ELAVL2: variants seen among roughly 807,000 people sequenced by gnomAD.
The protein encoded by ELAVL2 is ELAV like RNA binding protein 2.
In ELAVL2, 4 loss-of-function variants were observed where a neutral mutation model predicts 34.6. The observed-to-expected ratio is 0.12, with a 90% CI of 0.06 to 0.26. The LOEUF is 0.26. ELAVL2 is among the 10% of genes least tolerant of loss of function. The probability of loss-of-function intolerance (pLI) is 1.00; values close to 1 mark genes in which losing one functional copy is unlikely to be tolerated. For missense variants in ELAVL2, 432 were observed against 442.8 expected, an observed-to-expected ratio of 0.98 and a Z score of 0.22; for synonymous variants, 193 against 154.8, an observed-to-expected ratio of 1.25 and a Z score of -1.83.
intron 2 of ELAVL2, among the ~76,000 whole-genome samples, chr9:23,744,333 G>T (rs990884482): frequency 1.4e-4 from 22 of 152,160 alleles, no homozygotes; most frequent in African/African-American, 5.3e-4. Context: ...TCGAAGAAAT[G>T]AATGTTTTAC....
At position 23,735,599 on chromosome 9, in the gene ELAVL2, CCTTGGT is replaced by C. The variant is rs2047692290; in HGVS notation, c.230-4480_230-4475del. The C allele has an allele frequency of 2.6e-5, 4 of 152,306 alleles. No homozygotes were observed. The East Asian group carries it at 7.7e-4, about 29-fold the overall frequency. 9.4% of individuals were successfully genotyped at this position (152,306 alleles called of 1,614,324 possible). On this transcript the variant is annotated intron_variant, in intron 2 of 6. Transcript: ENST00000397312. Reference sequence around the variant, plus strand: ...TGGCCCAAAGTCTTGATTTTAATGGCCTTGGTAGGGATTCTAGAACTTTTGCTATAT... The same window carrying C: ...TGGCCCAAAGTCTTGATTTTAATGGCAGGGATTCTAGAACTTTTGCTATAT...
intron 3 of ELAVL2, among the ~76,000 whole-genome samples, chr9:23,716,426 C>T (rs2042328625): frequency 6.6e-6 from 1 of 152,088 alleles, no homozygotes; most frequent in African/African-American, 2.4e-5. Flanking sequence ...GTGACACCTA[C>T]CAACAAGTTT....
At chr9:23,741,645 TAGG>T (rs1439900995) in intron 2 of ELAVL2, among the ~76,000 whole-genome samples, 4 of 152,042 alleles carry the variant, frequency 2.6e-5, no homozygotes, top group East Asian at 1.9e-4. Context: ...TCCTCATGAT[TAGG>T]AGGAGTCATA....
chr9:23,732,669 A>G (rs2046869742), intron 2 of ELAVL2, among the ~76,000 whole-genome samples: 1 of 152,168 alleles, frequency 6.6e-6, no homozygotes, highest in Admixed American at 6.5e-5. Context: ...TGAATGTAAC[A>G]AAATCTGCTC....
chr9:23,715,273 C>T (rs548717306), intron 3 of ELAVL2, among the ~76,000 whole-genome samples: 114 of 152,252 alleles, frequency 7.5e-4, no homozygotes, highest in African/African-American at 2.6e-3. Flanking sequence ...CTCAGCCTCC[C>T]GAGTAGCTGG....
intron 3 of ELAVL2, among the ~76,000 whole-genome samples, chr9:23,730,279 A>T (rs1811198414): frequency 6.6e-6 from 1 of 152,186 alleles, no homozygotes; most frequent in Non-Finnish European, 1.5e-5. Flanking sequence ...TCAAAGATTC[A>T]CAAAAGCAGC....
intron 3 of ELAVL2, among the ~76,000 whole-genome samples, chr9:23,726,584 T>C (rs1471080591): frequency 2.0e-5 from 3 of 151,910 alleles, no homozygotes; most frequent in Admixed American, 1.3e-4. Context: ...CCTAGGCCCA[T>C]TGTAGAGGAG....
chr9:23,736,695 A>T (rs564129095), intron 2 of ELAVL2, among the ~76,000 whole-genome samples: 2 of 152,228 alleles, frequency 1.3e-5, no homozygotes, highest in East Asian at 3.9e-4. Flanking sequence ...TTGGTTCTCT[A>T]TTATTCTGGC....
rs2132634367 is a variant in ELAVL2 at position 23,692,062 on chromosome 9, A to C, written c.*495T>G. The C allele has an allele frequency of 6.5e-6, 1 of 154,446 alleles. No homozygotes were observed. The highest frequency in any genetic ancestry group is 2.4e-5 in the African/African-American group (1 of 41,572). The allele number at this position is 154,446 out of a possible 1,614,324, so 9.6% of individuals were successfully genotyped here. On this transcript the variant is annotated 3_prime_UTR_variant, in exon 7 of 7. Coordinates refer to ENST00000397312, the MANE Select transcript of ELAVL2 (RefSeq NM_004432.5). ...AATAAATACTGTTTTAAACTTCATA[A>C]ATAAAAATGTAAACTTCAAAATACT...
At chr9:23,781,674 C>T (rs768651538) in intron 1 of ELAVL2, among the ~76,000 whole-genome samples, 1 of 151,564 alleles carries the variant, frequency 6.6e-6, no homozygotes, top group African/African-American at 2.4e-5. Context: ...ACCACCACAC[C>T]CCGCTAATTT....
At chr9:23,820,475 G>C (rs765241057) in intron 1 of ELAVL2, among the ~76,000 whole-genome samples, 1 of 152,152 alleles carries the variant, frequency 6.6e-6, no homozygotes, top group Admixed American at 6.5e-5. Flanking sequence ...AGAGACGATA[G>C]GACTTGAAAA....
chr9:23,816,318 A>T (rs955293142), intron 1 of ELAVL2, among the ~76,000 whole-genome samples: 12 of 27,148 alleles, frequency 4.4e-4, no homozygotes, highest in African/African-American at 2.8e-3. Flanking sequence ...AGCTTTCAGT[A>T]AAAAAAAAAA....
At chr9:23,848,828 C>A in the ELAVL2 span, among the ~76,000 whole-genome samples, 1 of 152,136 alleles carries the variant, frequency 6.6e-6, no homozygotes, top group Non-Finnish European at 1.5e-5. Flanking sequence ...GTGGGTATTT[C>A]TGTTTCCATC....
chr9:23,756,568 A>C (rs2053605600), intron 2 of ELAVL2, among the ~76,000 whole-genome samples: 1 of 152,144 alleles, frequency 6.6e-6, no homozygotes, highest in Non-Finnish European at 1.5e-5. Context: ...AAACACACAC[A>C]CACACACATG....
At chr9:23,779,581 T>C (rs1029451929) in intron 1 of ELAVL2, among the ~76,000 whole-genome samples, 7 of 152,090 alleles carry the variant, frequency 4.6e-5, no homozygotes, top group Admixed American at 4.6e-4. Context: ...TGTCCCTAGG[T>C]GCATTTGACA....
At chr9:23,783,818 G>A (rs1032905984) in intron 1 of ELAVL2, among the ~76,000 whole-genome samples, 11 of 152,248 alleles carry the variant, frequency 7.2e-5, no homozygotes, top group Admixed American at 2.6e-4. Context: ...GCTCAGAACA[G>A]AGAAAAGCCA....
chr9:23,761,286 T>A (rs1273562442), intron 2 of ELAVL2, among the ~76,000 whole-genome samples: 1 of 152,090 alleles, frequency 6.6e-6, no homozygotes, highest in African/African-American at 2.4e-5. Context: ...GTATTTTTAG[T>A]GTTTGAAAAC....
In ELAVL2 at chr9:23,773,750, A is replaced by G. The variant is rs558301296; in HGVS notation, c.-15-11501T>C. ...TGAATTATTTCCACTCTAGGAAGGAAAAGAGCAGGTAAAGGGGTCTGTTCT... is the reference window on the plus strand; with the variant it reads ...TGAATTATTTCCACTCTAGGAAGGAGAAGAGCAGGTAAAGGGGTCTGTTCT... On this transcript the variant is annotated intron_variant, in intron 1 of 6. Transcript: ENST00000397312. Among the ~76,000 whole-genome samples, 13 of 152,286 alleles carry G rather than the reference A, an allele frequency of 8.5e-5. 1 individual carries two copies. In the South Asian group the frequency reaches 2.7e-3, roughly 32 times the overall value.
intron 4 of ELAVL2, 41 bp from the exon 5 acceptor site, chr9:23,701,645 G>A: frequency 6.3e-7 from 1 of 1,592,508 alleles, no homozygotes; most frequent in Non-Finnish European, 8.6e-7. Context: ...AGAGGGAACA[G>A]AAGGAGAAGG....
Sources: gnomAD v4.1 joint callset for allele counts (sites outside exome capture counted in the v4.1 genomes callset) on GRCh38, gnomAD v4.1.1 for gene constraint, MANE v1.5 for transcripts, NCBI Gene and HGNC (gene_info 2026-07-23, HGNC 2026-07-21) for gene names.